Variants in CPE observed in about 807,000 individuals in gnomAD.
CPE encodes the protein carboxypeptidase E, also known as carbocypeptidase E.
CPE carries 17 observed loss-of-function variants against 53.5 expected under a neutral mutation model. The ratio of observed to expected loss-of-function variants is 0.32; its 90% CI spans 0.22 to 0.48. The LOEUF (loss-of-function observed/expected upper bound fraction) is 0.48, where lower values mean the gene tolerates loss of function less well. Ranked by LOEUF, CPE falls within the 20% of genes least tolerant of loss-of-function variation. CPE has a pLI of 0.99. For synonymous variants in CPE, 226 were observed against 228.8 expected, an observed-to-expected ratio of 0.99 and a Z score of 0.11; for missense variants, 524 against 614.7, an observed-to-expected ratio of 0.85 and a Z score of 1.56.
chr4:165,482,447 G>A, intron 4 of CPE, 88 bp downstream of exon 4: 2 of 893,982 alleles, frequency 2.2e-6, no homozygotes, highest in Admixed American at 2.2e-5. Context: ...TTTTTTTTAA[G>A]GAACTGAACA....
intron 1 of CPE, among the ~76,000 whole-genome samples, chr4:165,422,763 G>T (rs1417870003): frequency 1.3e-5 from 2 of 152,046 alleles, no homozygotes; most frequent in South Asian, 2.1e-4. Flanking sequence ...GGATCACAAG[G>T]TCAGGAGATA....
chr4:165,420,719 T>C (rs1309321170), intron 1 of CPE, among the ~76,000 whole-genome samples: 6 of 152,168 alleles, frequency 3.9e-5, no homozygotes, highest in African/African-American at 1.4e-4. Context: ...CTGATTTTAA[T>C]GGGAATGGCA....
chr4:165,379,594 G>T lies in CPE; in HGVS notation c.307+66G>T, dbSNP rs909192476. ...AGGGGGGCGGCAGAGGGTGGGACTG[G>T]TGGCGGTGGGGGAAGGAGGGAGGGA... On this transcript the variant is annotated intron_variant, in intron 1 of 8. Coordinates refer to ENST00000402744, the MANE Select transcript of CPE (RefSeq NM_001873.4). This position sits in a 1 kb window ranked among gnomAD's most constrained non-coding sequence, Gnocchi z 6.0. 3.3e-5 allele frequency: 43 copies of T among 1,297,924 alleles called. No individual in the cohort carries two copies. Among genetic ancestry groups the T allele is most frequent in the Non-Finnish European group, 4.1e-5 (40 of 980,952 alleles). 80.4% of individuals were successfully genotyped at this position (1,297,924 alleles called of 1,614,324 possible).
In CPE at chr4:165,487,422, T is replaced by G; in HGVS notation, c.974-16T>G. ...TCCTTGTGCATATTTTGACTTTCCA[T>G]TTGGTGTTTTGGCAGGGATGCAAGA... On this transcript the variant is annotated splice_polypyrimidine_tract_variant and intron_variant, in intron 5 of 8. Coordinates refer to ENST00000402744, the MANE Select transcript of CPE (RefSeq NM_001873.4). The G allele has an allele frequency of 6.2e-7, 1 of 1,613,402 alleles. No individual in the cohort carries two copies. Among genetic ancestry groups the G allele is most frequent in the Non-Finnish European group, 8.5e-7 (1 of 1,179,906 alleles).
intron 1 of CPE, among the ~76,000 whole-genome samples, chr4:165,460,058 A>AATT (rs1731974160): frequency 1.3e-5 from 2 of 152,138 alleles, no homozygotes; most frequent in Non-Finnish European, 2.9e-5. Context: ...GAGATGAGTT[A>AATT]ACACACAGGG....
chr4:165,426,794 G>A (rs145287745), intron 1 of CPE, among the ~76,000 whole-genome samples: 288 of 152,304 alleles, frequency 1.9e-3, no homozygotes, highest in African/African-American at 6.5e-3. Context: ...CTCTCGTGAG[G>A]TATCAGCCAG....
Position 165,379,346 on chromosome 4 carries a change from G to C in CPE, c.125G>C (p.Arg42Pro), listed in dbSNP as rs1467639638. 1.3e-6 allele frequency: 2 copies of C among 1,588,418 alleles called. No homozygotes were observed. The highest frequency in any genetic ancestry group is 1.7e-6 in the Non-Finnish European group (2 of 1,171,302). Residue 42 changes from arginine (R) to proline (P), a missense_variant, in exon 1 of 9, where the codon CGG becomes CCG. Physicochemically the swap from Arg to Pro is moderately radical, Grantham distance 103. Transcript: ENST00000402744. The surrounding 1 kb of genome is among the most constrained non-coding windows in gnomAD (Gnocchi z 6.0). ...GCGGCGGGCATGAGGCGGCGCCGGC[G>C]GCTGCAGCAAGAGGACGGCATCTCC... The part of the protein sequence containing the change: ...APAAGMRRRR[R>P]LQQEDGISFE...
intron 3 of CPE, among the ~76,000 whole-genome samples, chr4:165,476,191 GAAGTA>G (rs988529878): frequency 3.3e-5 from 5 of 152,150 alleles, no homozygotes; most frequent in Non-Finnish European, 7.4e-5. Context: ...GGAATAAAAG[GAAGTA>G]AAGTACACTT....
chr4:165,405,132 T>A, intron 1 of CPE: 1 of 756,214 alleles, frequency 1.3e-6, no homozygotes, highest in Non-Finnish European at 2.4e-6. Flanking sequence ...TTCTTTACTT[T>A]GTCATTCAAT....
chr4:165,493,254 C>A lies in CPE; in HGVS notation c.1197C>A (p.Asp399Glu). ...CCACCATCTCCGTGGAAGGAATAGA[C>A]CACGATGTTACATCCGGTGGGTCTT... ...ANATISVEGI[D>E]HDVTSAKDGD... The change falls in exon 7 of 9, where the codon GAC becomes GAA. Residue 399 changes from aspartate to glutamate, a missense_variant. Coordinates refer to ENST00000402744, the MANE Select transcript of CPE (RefSeq NM_001873.4). 6.2e-7 allele frequency: 1 copy of A among 1,613,654 alleles called. No individual in the cohort carries two copies. The highest frequency in any genetic ancestry group is 8.5e-7 in the Non-Finnish European group (1 of 1,179,588).
At position 165,391,045 on chromosome 4, in the gene CPE, T is replaced by G. The variant is rs1379520087; in HGVS notation, c.307+11517T>G. Among the ~76,000 whole-genome samples, 5 of 152,264 alleles carry G rather than the reference T, an allele frequency of 3.3e-5. No individual in the cohort carries two copies. The East Asian group carries it at 5.8e-4, about 18-fold the overall frequency. ...CAAACATTTTCCCTTCTCCTTTGAG[T>G]CTATTTCAGTTTGCACAAACTGTAT... is the stretch of plus-strand genomic sequence containing the variant. On this transcript the variant is annotated intron_variant, in intron 1 of 8. Coordinates refer to ENST00000402744, the MANE Select transcript of CPE (RefSeq NM_001873.4).
At chr4:165,413,606 CAAAT>C (rs1295741454) in intron 1 of CPE, among the ~76,000 whole-genome samples, 9 of 152,142 alleles carry the variant, frequency 5.9e-5, no homozygotes, top group Non-Finnish European at 1.3e-4. Context: ...CTTACTTTCT[CAAAT>C]AAAAAGCAAG....
chr4:165,409,104 G>C (rs377689765), intron 1 of CPE, among the ~76,000 whole-genome samples: 2 of 152,184 alleles, frequency 1.3e-5, no homozygotes, highest in Admixed American at 6.5e-5. Flanking sequence ...AGTATATGGC[G>C]GAGTGGGTGG....
intron 1 of CPE, among the ~76,000 whole-genome samples, chr4:165,416,491 A>G (rs2126670922): frequency 6.6e-6 from 1 of 152,254 alleles, no homozygotes; most frequent in Non-Finnish European, 1.5e-5. Flanking sequence ...TTAGGGTAAC[A>G]CAGTAGAAAT....
rs531343772 is a variant in CPE at position 165,459,273 on chromosome 4, CTG to C, written c.308-5114_308-5113del. ...GCAGCTATTTCTGCCTTAATTAAAA[CTG>C]TGGATATTTTTAAAGCTTAGAATTT... On this transcript the variant is annotated intron_variant, in intron 1 of 8. Coordinates refer to ENST00000402744, the MANE Select transcript of CPE (RefSeq NM_001873.4). Among the ~76,000 whole-genome samples, 380 of 152,288 alleles carry C rather than the reference CTG, an allele frequency of 2.5e-3. 1 individual carries two copies. Among genetic ancestry groups the C allele is most frequent in the African/African-American group, 8.6e-3 (359 of 41,564 alleles).
At chr4:165,487,403 T>C (rs914982872) in intron 5 of CPE, 35 bp from the exon 6 acceptor site, 1 of 1,612,022 alleles carries the variant, frequency 6.2e-7, no homozygotes, top group African/African-American at 1.3e-5. Context: ...AGGCTCCTTG[T>C]GCATATTTTG....
At chr4:165,427,908 C>T (rs549922210) in intron 1 of CPE, among the ~76,000 whole-genome samples, 1 of 152,266 alleles carries the variant, frequency 6.6e-6, no homozygotes, top group South Asian at 2.1e-4. Flanking sequence ...GTATTGCATT[C>T]TGTAATGTAT....
chr4:165,460,899 TG>T (rs920754979), intron 1 of CPE, among the ~76,000 whole-genome samples: 19 of 152,124 alleles, frequency 1.2e-4, no homozygotes, highest in African/African-American at 3.9e-4. Context: ...CCTTACAGTC[TG>T]GGTGACAGAG....
At chr4:165,380,694 C>T (rs986193519) in intron 1 of CPE, among the ~76,000 whole-genome samples, 9 of 152,032 alleles carry the variant, frequency 5.9e-5, no homozygotes, top group Non-Finnish European at 1.3e-4. Flanking sequence ...AATAAGTGAT[C>T]AATAGACATT....
Sources: allele counts gnomAD v4.1 joint callset (sites outside exome capture counted in the v4.1 genomes callset), GRCh38; gene constraint gnomAD v4.1.1; non-coding constraint Gnocchi (gnomAD v3.1); transcripts MANE v1.5; gene names NCBI Gene and HGNC (gene_info 2026-07-23, HGNC 2026-07-21).